The following RGL2 variants were observed in gnomAD, a reference collection of about 807,000 sequenced individuals.
RGL2 encodes ral guanine nucleotide dissociation stimulator-like 2.
Under a neutral mutation model 84.6 loss-of-function variants are expected in RGL2, and 40 were observed. The ratio of observed to expected loss-of-function variants is 0.47; its 90% CI spans 0.37 to 0.62. RGL2 has a LOEUF of 0.62. Among genes scored for constraint, RGL2 ranks in the 20% least tolerant of loss-of-function variants. RGL2 has a pLI of 0.00. For synonymous variants in RGL2, 369 were observed against 417.3 expected (o/e 0.88, Z 1.41); for missense variants, 865 against 1,019.7 (o/e 0.85, Z 2.07).
At position 33,293,753 on chromosome 6, in the gene RGL2, C is replaced by G. The variant is rs778382388; in HGVS notation, c.1508+42G>C. The G allele has an allele frequency of 6.2e-7, 1 of 1,613,382 alleles. No individual in the cohort carries two copies. Among genetic ancestry groups the G allele is most frequent in the Non-Finnish European group, 8.5e-7 (1 of 1,179,448 alleles). On this transcript the variant is annotated intron_variant, in intron 13 of 17. Transcript: ENST00000497454. The surrounding 1 kb of genome is among the most constrained non-coding windows in gnomAD (Gnocchi z 7.0). The stretch of plus-strand genomic sequence containing the variant: ...CAGGACATGACACCAATCCCCCACA[C>G]CTGGCCAGAACCCTGGAGTCCCAAC...
Position 33,293,126 on chromosome 6 carries a change from C to G in RGL2, c.1897G>C (p.Gly633Arg). Reference sequence around the variant, plus strand: ...CCCTCTCCCCCATATCCAGTCCCCCCGGAGGCCTCTTCTGCACCCCCACTC... The same window carrying G: ...CCCTCTCCCCCATATCCAGTCCCCCGGGAGGCCTCTTCTGCACCCCCACTC... ...PLSGGAEEAS[G>R]GTGYGGEGSG... is the part of the protein sequence containing the mutation. Residue 633 changes from glycine (G) to arginine (R), a missense_variant, in exon 16 of 18, where the codon GGG becomes CGG. By Grantham distance (125) the Gly-to-Arg change is moderately radical. Around this residue, in one of 5 missense-constraint regions of RGL2, gnomAD observed 302 missense variants for 327.9 expected, o/e 0.92. Coordinates refer to ENST00000497454, the MANE Select transcript of RGL2 (RefSeq NM_004761.5). This position sits in a 1 kb window ranked among gnomAD's most constrained non-coding sequence, Gnocchi z 7.0. 1.2e-6 allele frequency: 2 copies of G among 1,613,012 alleles called. No individual in the cohort carries two copies. Among genetic ancestry groups the G allele is most frequent in the South Asian group, 1.1e-5 (1 of 90,966 alleles).
At position 33,295,405 on chromosome 6, in the gene RGL2, T is replaced by G. The variant is rs1209243218; in HGVS notation, c.1038A>C (p.Arg346=). The G allele has an allele frequency of 6.2e-7, 1 of 1,611,454 alleles. No homozygotes were observed. Among genetic ancestry groups the G allele is most frequent in the Admixed American group, 1.7e-5 (1 of 59,842 alleles). ...CCACGGCATAAACTGAAGAGAAGTT[T>G]CGGAGCAGCCGGCACTCCTGTGGGG... ...IRVAEECRLL[R]NFSSVYAVVS... The change falls in exon 8 of 18, where the codon CGA becomes CGC. Residue 346 remains arginine (R), a synonymous_variant. Transcript: ENST00000497454. This position sits in a 1 kb window ranked among gnomAD's most constrained non-coding sequence, Gnocchi z 7.2.
Position 33,293,654 on chromosome 6 carries a change from A to T in RGL2, c.1554T>A (p.Pro518=), listed in dbSNP as rs17221646. ...TTGGCCGAAGCACCCGTGGGGCAGGAGGGTCACTGGAACCAGGTGGCTCCA... is the reference window on the plus strand; with the variant it reads ...TTGGCCGAAGCACCCGTGGGGCAGGTGGGTCACTGGAACCAGGTGGCTCCA... ...CEVEPPGSSD[P]PAPRVLRPTL... is the part of the protein sequence containing the mutation. Residue 518 remains proline (P), a synonymous_variant, in exon 14 of 18, where the codon CCT becomes CCA. Coordinates refer to ENST00000497454, the MANE Select transcript of RGL2 (RefSeq NM_004761.5). The surrounding 1 kb of genome is among the most constrained non-coding windows in gnomAD (Gnocchi z 7.0). The T allele has an allele frequency of 9.8e-4, 1,583 of 1,614,148 alleles. 17 individuals are homozygous for T. The African/African-American group carries it at 0.017, about 17-fold the overall frequency.
rs763722552 is a variant in RGL2, at chr6:33,297,008, G to A, written c.240+24C>T. On this transcript the variant is annotated intron_variant, in intron 3 of 17. Coordinates refer to ENST00000497454, the MANE Select transcript of RGL2 (RefSeq NM_004761.5). The surrounding 1 kb of genome is among the most constrained non-coding windows in gnomAD (Gnocchi z 4.0). ...AAACTGGGAATGAAGAGTCAGAGGTGAGAAGCTAAAGTCATGATCTCACCA... is the reference window on the plus strand; with the variant it reads ...AAACTGGGAATGAAGAGTCAGAGGTAAGAAGCTAAAGTCATGATCTCACCA... 7 of 1,591,884 alleles carry A rather than the reference G, an allele frequency of 4.4e-6. No homozygotes were observed. The highest frequency in any genetic ancestry group is 6.0e-6 in the Non-Finnish European group (7 of 1,167,670).
At chr6:33,299,089 T>G, upstream of RGL2, 1 of 152,748 alleles carries the variant, frequency 6.5e-6, no homozygotes, top group Non-Finnish European at 1.5e-5. The surrounding 1 kb of genome is among the most constrained non-coding windows in gnomAD (Gnocchi z 5.0). Context: ...GGCCGCGGAC[T>G]AGGGGAGCGC....
In RGL2 at chr6:33,298,392, CAA is replaced by C; in HGVS notation, c.156+61_156+62del. On this transcript the variant is annotated intron_variant, in intron 2 of 17. Coordinates refer to ENST00000497454, the MANE Select transcript of RGL2 (RefSeq NM_004761.5). The surrounding 1 kb of genome is among the most constrained non-coding windows in gnomAD (Gnocchi z 4.8). ...AGGAGGAGATGTAGGGACCCAGAGACAAGAGAAAAGTGGAGACTTCAGAAATA... is the reference window on the plus strand; with the variant it reads ...AGGAGGAGATGTAGGGACCCAGAGACGAGAAAAGTGGAGACTTCAGAAATA... 1 of 901,432 alleles carries C rather than the reference CAA, an allele frequency of 1.1e-6. No individual in the cohort carries two copies. The highest frequency in any genetic ancestry group is 1.7e-6 in the Non-Finnish European group (1 of 601,388). 55.8% of individuals were successfully genotyped at this position (901,432 alleles called of 1,614,324 possible). A position where few individuals can be genotyped will look rare whatever the true frequency, so the allele number is the denominator to read the frequency against.
Position 33,296,977 on chromosome 6 carries a change from G to A in RGL2, c.240+55C>T, listed in dbSNP as rs551833882. 1.9e-6 allele frequency: 3 copies of A among 1,579,530 alleles called. No individual in the cohort carries two copies. Among genetic ancestry groups the A allele is most frequent in the South Asian group, 2.2e-5 (2 of 89,942 alleles). ...ACTCTGGCCAGAAAGTCAGCCAGAG[G>A]AAGGAAAACTGGGAATGAAGAGTCA... is the stretch of plus-strand genomic sequence containing the variant. On this transcript the variant is annotated intron_variant, in intron 3 of 17. Transcript: ENST00000497454. This position sits in a 1 kb window ranked among gnomAD's most constrained non-coding sequence, Gnocchi z 5.0.
rs560815240 is a variant in RGL2 at position 33,293,495 on chromosome 6, G to C, written c.1634C>G (p.Pro545Arg). ...EVLGSVGVPT[P>R]LVSCDRPSTG... ...ACTGGGCCGGTCACAGGACACAAGC[G>C]GGGTAGGGACCCCAACAGAGCCCAA... The change falls in exon 15 of 18, where the codon CCG (proline) becomes CGG (arginine). Residue 545 changes from proline to arginine, a missense_variant. Coordinates refer to ENST00000497454, the MANE Select transcript of RGL2 (RefSeq NM_004761.5). This position sits in a 1 kb window ranked among gnomAD's most constrained non-coding sequence, Gnocchi z 7.0. 27 of 1,613,916 alleles carry C rather than the reference G, an allele frequency of 1.7e-5. No homozygotes were observed. The Admixed American group carries it at 2.5e-4, about 15-fold the overall frequency.
chr6:33,293,979 C>A lies in RGL2; in HGVS notation c.1386+55G>T, dbSNP rs1767688617. 1 of 1,614,124 alleles carries A rather than the reference C, an allele frequency of 6.2e-7. No homozygotes were observed. The highest frequency in any genetic ancestry group is 8.5e-7 in the Non-Finnish European group (1 of 1,180,028). On this transcript the variant is annotated intron_variant, in intron 12 of 17. Coordinates refer to ENST00000497454, the MANE Select transcript of RGL2 (RefSeq NM_004761.5). This position sits in a 1 kb window ranked among gnomAD's most constrained non-coding sequence, Gnocchi z 7.0. ...AGGGACCCCTGACTTTTCCCCCTCCCCTTCCTGGAACATGGATAGGGAAGT... is the reference window on the plus strand; with the variant it reads ...AGGGACCCCTGACTTTTCCCCCTCCACTTCCTGGAACATGGATAGGGAAGT...
At position 33,295,739 on chromosome 6, in the gene RGL2, G is replaced by A. The variant is rs1369146800; in HGVS notation, c.789C>T (p.Ile263=). The change falls in exon 7 of 18, where the codon ATC becomes ATT. Residue 263 remains isoleucine, a synonymous_variant. Transcript: ENST00000497454. The surrounding 1 kb of genome is among the most constrained non-coding windows in gnomAD (Gnocchi z 7.2). ...ACAGGCCTCCCAGGCACTGAGAGGG[G>A]ATCAAATTGAGAAAAAGTTCCTGCA... ...LLDAELFLNL[I]PSQCLGGLWG... is the part of the protein sequence containing the mutation. The A allele has an allele frequency of 1.9e-6, 3 of 1,613,624 alleles. No homozygotes were observed. The highest frequency in any genetic ancestry group is 2.2e-5 in the East Asian group (1 of 44,876).
Position 33,292,226 on chromosome 6 carries a change from G to C in RGL2, c.2210C>G (p.Ser737Cys). 6.2e-7 allele frequency: 1 copy of C among 1,614,206 alleles called. No individual in the cohort carries two copies. Among genetic ancestry groups the C allele is most frequent in the Non-Finnish European group, 8.5e-7 (1 of 1,180,040 alleles). ...ACTGGTGACGCCAGGTGTAGCAGTA[G>C]AGGACCTTCGCCGCTGCCGCAGGAG... The part of the protein sequence containing the change: ...DFLLRQRRRS[S>C]TATPGVTSGP... The change falls in exon 18 of 18, where the codon TCT becomes TGT. Residue 737 changes from serine (S) to cysteine (C), a missense_variant. Ser to Cys is a moderately radical substitution (Grantham distance 112). This residue lies in a region of RGL2 where 302 missense variants were observed against 327.9 expected (regional missense o/e 0.92). Coordinates refer to ENST00000497454, the MANE Select transcript of RGL2 (RefSeq NM_004761.5).
rs1382530034 is a variant in RGL2, at chr6:33,296,943, C to T, written c.240+89G>A. On this transcript the variant is annotated intron_variant, in intron 3 of 17. Transcript: ENST00000497454. This position sits in a 1 kb window ranked among gnomAD's most constrained non-coding sequence, Gnocchi z 5.0. ...AGCAGAGTCCAGGACTCCAGAACTC[C>T]AACCTAGCACTCTGGCCAGAAAGTC... The T allele has an allele frequency of 2.0e-6, 3 of 1,514,758 alleles. No individual in the cohort carries two copies. In the African/African-American group the frequency reaches 4.1e-5, roughly 21 times the overall value. 93.8% of individuals were successfully genotyped at this position (1,514,758 alleles called of 1,614,324 possible).
Position 33,294,948 on chromosome 6 carries a change from C to A in RGL2, c.1278+29G>T. 1 of 1,553,728 alleles carries A rather than the reference C, an allele frequency of 6.4e-7. No individual in the cohort carries two copies. Among genetic ancestry groups the A allele is most frequent in the Non-Finnish European group, 8.7e-7 (1 of 1,148,782 alleles). ...CCTCACCCCTTCATAATCACCACCC[C>A]CACGCCCACCACCCCGCTAGTCACT... On this transcript the variant is annotated intron_variant, in intron 10 of 17. Coordinates refer to ENST00000497454, the MANE Select transcript of RGL2 (RefSeq NM_004761.5). The surrounding 1 kb of genome is among the most constrained non-coding windows in gnomAD (Gnocchi z 5.0).
In RGL2 at chr6:33,296,544, C is replaced by T; in HGVS notation, c.419+54G>A. 1 of 1,586,556 alleles carries T rather than the reference C, an allele frequency of 6.3e-7. No homozygotes were observed. Among genetic ancestry groups the T allele is most frequent in the Non-Finnish European group, 8.6e-7 (1 of 1,165,178 alleles). ...TGACTATTTTGGTGGGATGTTGCGG[C>T]TTTAGGAAATCCGGGCAGATACTCC... On this transcript the variant is annotated intron_variant, in intron 4 of 17. Transcript: ENST00000497454. This position sits in a 1 kb window ranked among gnomAD's most constrained non-coding sequence, Gnocchi z 5.0.
Position 33,291,744 on chromosome 6 carries a change from T to A in RGL2, c.*358A>T. 2.3e-6 allele frequency: 1 copy of A among 442,674 alleles called. No individual in the cohort carries two copies. Among genetic ancestry groups the A allele is most frequent in the Non-Finnish European group, 4.1e-6 (1 of 246,294 alleles). The allele number at this position is 442,674 out of a possible 1,614,324, so 27.4% of individuals were successfully genotyped here. On this transcript the variant is annotated 3_prime_UTR_variant, in exon 18 of 18. Transcript: ENST00000497454. ...GGGAAGAAGAGCTCCTGCGAGGACCTACATTTTGCCATTCCCCTCTGCCCT... is the reference window on the plus strand; with the variant it reads ...GGGAAGAAGAGCTCCTGCGAGGACCAACATTTTGCCATTCCCCTCTGCCCT...
rs764721381 is a variant in RGL2, at chr6:33,293,069, T to C, written c.1954A>G (p.Ile652Val). 1.2e-6 allele frequency: 2 copies of C among 1,614,190 alleles called. No individual in the cohort carries two copies. Among genetic ancestry groups the C allele is most frequent in the Non-Finnish European group, 8.5e-7 (1 of 1,180,048 alleles). Residue 652 changes from isoleucine to valine, a missense_variant, in exon 16 of 18, where the codon ATC becomes GTC. Coordinates refer to ENST00000497454, the MANE Select transcript of RGL2 (RefSeq NM_004761.5). The surrounding 1 kb of genome is among the most constrained non-coding windows in gnomAD (Gnocchi z 7.0). Reference sequence around the variant, plus strand: ...TCCCCCAACTCCATCTGGACTCGGATGATACGGCAATCAGAGGCCCCTGGC... The same window carrying C: ...TCCCCCAACTCCATCTGGACTCGGACGATACGGCAATCAGAGGCCCCTGGC... ...SGPGASDCRIIRVQMELGEDG... is the reference protein window; with the variant it reads ...SGPGASDCRIVRVQMELGEDG...
rs1767950945 is a variant in RGL2, at chr6:33,296,332, G to T, written c.471-7C>A. 1 of 1,608,940 alleles carries T rather than the reference G, an allele frequency of 6.2e-7. No homozygotes were observed. Among genetic ancestry groups the T allele is most frequent in the Admixed American group, 1.7e-5 (1 of 59,620 alleles). On this transcript the variant is annotated splice_polypyrimidine_tract_variant and splice_region_variant and intron_variant, in intron 5 of 17. Coordinates refer to ENST00000497454, the MANE Select transcript of RGL2 (RefSeq NM_004761.5). The surrounding 1 kb of genome is among the most constrained non-coding windows in gnomAD (Gnocchi z 5.0). ...CAGTACAGAGATGGCTACCCTGGGAGAAGGGAATCAGCCAAGGGTGAGAGG... is the reference window on the plus strand; with the variant it reads ...CAGTACAGAGATGGCTACCCTGGGATAAGGGAATCAGCCAAGGGTGAGAGG...
intron 16 of RGL2, among the ~76,000 whole-genome samples, chr6:33,292,751 C>T (rs1005160505): frequency 2.0e-5 from 3 of 152,180 alleles, no homozygotes; most frequent in Non-Finnish European, 2.9e-5. Flanking sequence ...GGGGAAACTG[C>T]TGTTGATTCT....
rs1178594979 is a variant in RGL2, at chr6:33,294,200, G to A, written c.1354-134C>T. The A allele has an allele frequency of 6.7e-6, 7 of 1,041,938 alleles. No homozygotes were observed. The highest frequency in any genetic ancestry group is 2.3e-5 in the Admixed American group (1 of 44,094). The allele number at this position is 1,041,938 out of a possible 1,614,324, so 64.5% of individuals were successfully genotyped here. A position where few individuals can be genotyped will look rare whatever the true frequency, so the allele number is the denominator to read the frequency against. On this transcript the variant is annotated intron_variant, in intron 11 of 17. Transcript: ENST00000497454. This position sits in a 1 kb window ranked among gnomAD's most constrained non-coding sequence, Gnocchi z 5.0. ...TTCCCTCCAGCCTCTCTGACTCTTC[G>A]ATCCCTCCCTGCCTTCCTCCTCAAT...
Sources: gnomAD v4.1 joint callset for allele counts (sites outside exome capture counted in the v4.1 genomes callset) on GRCh38, gnomAD v4.1.1 for gene constraint, gnomAD v4.1.1 regional missense constraint, Gnocchi (gnomAD v3.1) non-coding constraint, MANE v1.5 for transcripts, NCBI Gene and HGNC (gene_info 2026-07-23, HGNC 2026-07-21) for gene names.